Variants in XKR6 observed in about 807,000 individuals in gnomAD.
XKR6 encodes the protein XK related 6.
A neutral mutation model predicts 56.7 loss-of-function variants in XKR6; 22 were observed. The observed-to-expected ratio is 0.39, with a 90% CI of 0.28 to 0.55. XKR6 has a LOEUF of 0.55. Ranked by LOEUF, XKR6 falls within the 20% of genes least tolerant of loss-of-function variation. The pLI is 0.66. For missense variants in XKR6, 852 were observed against 889.0 expected (o/e 0.96, Z 0.53); for synonymous variants, 524 against 387.8 (o/e 1.35, Z -4.13).
At chr8:11,029,707 C>T (rs1262008798) in intron 1 of XKR6, among the ~76,000 whole-genome samples, 1 of 152,066 alleles carries the variant, frequency 6.6e-6, no homozygotes, top group African/African-American at 2.4e-5. Flanking sequence ...CCTCATTGTC[C>T]CTCCTTGCCA....
chr8:11,046,623 T>A (rs1177861027), intron 1 of XKR6, among the ~76,000 whole-genome samples: 4 of 152,150 alleles, frequency 2.6e-5, no homozygotes, highest in Non-Finnish European at 5.9e-5. Flanking sequence ...AATAAGGAAA[T>A]TCTGACACAT....
At chr8:11,025,467 A>G (rs925352101) in intron 1 of XKR6, among the ~76,000 whole-genome samples, 59 of 152,268 alleles carry the variant, frequency 3.9e-4, no homozygotes, top group African/African-American at 1.4e-3. Context: ...GGGGTTGCCA[A>G]TGGGATAGAG....
chr8:11,179,018 T>C (rs1046729869), intron 1 of XKR6, among the ~76,000 whole-genome samples: 4 of 136,850 alleles, frequency 2.9e-5, no homozygotes, highest in South Asian at 4.4e-4. Context: ...AATTTTCTTT[T>C]TCTTTTTTTT....
At position 11,132,752 on chromosome 8, in the gene XKR6, T is replaced by C. The variant is rs145143603; in HGVS notation, c.764+67824A>G. 9.8e-3 allele frequency among the ~76,000 whole-genome samples: 1,194 copies of C among 121,374 alleles called. 17 individuals carry two copies. Among genetic ancestry groups the C allele is most frequent in the African/African-American group, 0.039 (1,094 of 28,028 alleles). 79.6% of individuals were successfully genotyped at this position (121,374 alleles called of 152,430 possible). On this transcript the variant is annotated intron_variant, in intron 1 of 2. Transcript: ENST00000416569. ...CATACTGGCTCTGTCCCTTCATTCA[T>C]ACACACACACGCACGCACACACACA...
At chr8:11,150,157 T>A (rs1255260684) in intron 1 of XKR6, among the ~76,000 whole-genome samples, 1 of 152,160 alleles carries the variant, frequency 6.6e-6, no homozygotes, top group African/African-American at 2.4e-5. Flanking sequence ...TAAGTTCCAA[T>A]GTCTGATAGC....
intron 1 of XKR6, chr8:11,137,651 G>T: frequency 2.2e-6 from 1 of 456,266 alleles, no homozygotes; most frequent in Non-Finnish European, 4.4e-6. Context: ...ACCATGCCAT[G>T]GTGTGAGCAA....
intron 2 of XKR6, 127 bp downstream of exon 2, chr8:10,924,507 C>A: frequency 8.6e-7 from 1 of 1,165,100 alleles, no homozygotes; most frequent in South Asian, 1.5e-5. Context: ...GGCCGGGCGT[C>A]CTGGGGACTC....
At chr8:11,084,667 G>C (rs1417032481) in intron 1 of XKR6, among the ~76,000 whole-genome samples, 2 of 152,308 alleles carry the variant, frequency 1.3e-5, no homozygotes, top group African/African-American at 4.8e-5. Flanking sequence ...TAAGTTACCA[G>C]ACTTCAGCTT....
intron 2 of XKR6, among the ~76,000 whole-genome samples, chr8:10,914,757 G>T (rs538647845): frequency 6.6e-6 from 1 of 152,360 alleles, no homozygotes; most frequent in African/African-American, 2.4e-5. Flanking sequence ...CAGCTCCCTG[G>T]TAAGACCCTG....
chr8:10,993,471 C>G (rs958845513), intron 1 of XKR6, among the ~76,000 whole-genome samples: 1 of 152,240 alleles, frequency 6.6e-6, no homozygotes, highest in African/African-American at 2.4e-5. Context: ...GGATGATGCT[C>G]TCAGCCAGGT....
At chr8:10,922,733 G>C (rs1247569410) in intron 2 of XKR6, among the ~76,000 whole-genome samples, 3 of 152,206 alleles carry the variant, frequency 2.0e-5, no homozygotes, top group African/African-American at 4.8e-5. Context: ...GCATCCTGAA[G>C]ATGGAGCATC....
intron 1 of XKR6, among the ~76,000 whole-genome samples, chr8:11,099,600 C>T (rs1798390624): frequency 6.6e-6 from 1 of 152,178 alleles, no homozygotes; most frequent in Admixed American, 6.5e-5. Context: ...TTAAAATCTC[C>T]AAGTTTCCTT....
At chr8:10,993,887 A>T (rs577618622) in intron 1 of XKR6, among the ~76,000 whole-genome samples, 1 of 152,238 alleles carries the variant, frequency 6.6e-6, no homozygotes, top group South Asian at 2.1e-4. Context: ...GCCTCAGCCC[A>T]CCCCATGGCA....
chr8:11,075,135 T>C (rs1187133449), intron 1 of XKR6, among the ~76,000 whole-genome samples: 3 of 152,126 alleles, frequency 2.0e-5, no homozygotes, highest in African/African-American at 7.2e-5. Context: ...GAGCCCATCA[T>C]GTGGGGAGCA....
At position 11,201,019 on chromosome 8, in the gene XKR6, G is replaced by A; in HGVS notation, c.321C>T (p.Pro107=). 1 of 1,231,582 alleles carries A rather than the reference G, an allele frequency of 8.1e-7. No homozygotes were observed. Among genetic ancestry groups the A allele is most frequent in the African/African-American group, 1.6e-5 (1 of 63,098 alleles). 76.3% of individuals were successfully genotyped at this position (1,231,582 alleles called of 1,614,324 possible). A position where few individuals can be genotyped will look rare whatever the true frequency, so the allele number is the denominator to read the frequency against. The change falls in exon 1 of 3, where the codon CCC becomes CCT. Residue 107 remains proline, a synonymous_variant. Coordinates refer to ENST00000416569, the MANE Select transcript of XKR6 (RefSeq NM_173683.4). ...CCGGCCGCGCGGCCGAGGGCGTCGG[G>A]GGTTGGCGGCCGGCGCCGGGGGCCG... is the stretch of plus-strand genomic sequence containing the variant. The part of the protein sequence containing the change: ...PPAAPGAGRQ[P]PTPSAARPEP...
In XKR6 at chr8:11,046,131, G is replaced by A. The variant is rs991627141; in HGVS notation, c.765-121301C>T. Among the ~76,000 whole-genome samples the A allele has an allele frequency of 3.9e-5, 6 of 152,158 alleles. No homozygotes were observed. The East Asian group carries it at 9.6e-4, about 24-fold the overall frequency. ...GCAGGGATTCAGGCTGGTCACGGTG[G>A]CTCACACCTGTAATCCCAGCACTTT... On this transcript the variant is annotated intron_variant, in intron 1 of 2. Transcript: ENST00000416569.
intron 1 of XKR6, among the ~76,000 whole-genome samples, chr8:10,971,263 T>G (rs899563589): frequency 2.6e-5 from 4 of 151,364 alleles, no homozygotes; most frequent in African/African-American, 9.7e-5. Flanking sequence ...CTACTAAAAA[T>G]ACAAAAAATT....
chr8:11,033,189 G>C (rs1799035857), intron 1 of XKR6, among the ~76,000 whole-genome samples: 1 of 152,108 alleles, frequency 6.6e-6, no homozygotes, highest in African/African-American at 2.4e-5. Flanking sequence ...TGGTGAGGAT[G>C]ATGGTGATGA....
intron 1 of XKR6, among the ~76,000 whole-genome samples, chr8:11,052,658 C>A (rs927782640): frequency 6.6e-6 from 1 of 152,114 alleles, no homozygotes; most frequent in Non-Finnish European, 1.5e-5. Context: ...TTTTCTCTCC[C>A]CATTGCCCGC....
Sources: allele counts gnomAD v4.1 joint callset (sites outside exome capture counted in the v4.1 genomes callset), GRCh38; gene constraint gnomAD v4.1.1; transcripts MANE v1.5; gene names NCBI Gene and HGNC (gene_info 2026-07-23, HGNC 2026-07-21).